Variants in DPH6 observed in about 807,000 individuals in gnomAD.
The protein encoded by DPH6 is diphthamine biosynthesis 6.
DPH6 carries 33 observed loss-of-function variants against 38.2 expected under a neutral mutation model. The observed-to-expected ratio is 0.86, with a 90% CI of 0.65 to 1.15. The LOEUF is 1.15. Among genes scored for constraint, DPH6 ranks in the 50% most tolerant of loss-of-function variants. The probability of loss-of-function intolerance (pLI) is 0.00; values close to 1 mark genes in which losing one functional copy is unlikely to be tolerated. For synonymous variants in DPH6, 108 were observed against 103.0 expected, an observed-to-expected ratio of 1.05 and a Z score of -0.30; for missense variants, 325 against 320.0, an observed-to-expected ratio of 1.02 and a Z score of -0.12.
chr15:35,149,688 A>G, the DPH6 span, among the ~76,000 whole-genome samples: 1 of 152,206 alleles, frequency 6.6e-6, no homozygotes, highest in Non-Finnish European at 1.5e-5. Flanking sequence ...AAGCCAATGT[A>G]CACTTTTCTA....
At chr15:35,502,773 C>A (rs2054644091) in intron 3 of DPH6, among the ~76,000 whole-genome samples, 1 of 151,314 alleles carries the variant, frequency 6.6e-6, no homozygotes, top group Non-Finnish European at 1.5e-5. Flanking sequence ...GTTAAGATCT[C>A]ACTTTGTTTT....
intron 5 of DPH6, among the ~76,000 whole-genome samples, chr15:35,436,357 T>A (rs1447385898): frequency 6.6e-6 from 1 of 151,380 alleles, no homozygotes; most frequent in African/African-American, 2.4e-5. Context: ...TCCCAGCTAC[T>A]CGGGAGGCTG....
chr15:35,533,157 C>T (rs567404883), intron 3 of DPH6, among the ~76,000 whole-genome samples: 30 of 151,778 alleles, frequency 2.0e-4, no homozygotes, highest in East Asian at 7.8e-4. Context: ...GAAACCCACA[C>T]ATTTTTAGAA....
chr15:35,237,949 A>C, intron 3 of DPH6: 4 of 1,412,540 alleles, frequency 2.8e-6, no homozygotes, highest in Non-Finnish European at 4.0e-6. Flanking sequence ...AGGATGAAAA[A>C]GGTTATAACG....
At chr15:35,386,460 A>C (rs1487606138) in intron 6 of DPH6, among the ~76,000 whole-genome samples, 1 of 152,216 alleles carries the variant, frequency 6.6e-6, no homozygotes, top group Non-Finnish European at 1.5e-5. Flanking sequence ...TTACAGTCCC[A>C]ACAGTTTAAA....
intron 7 of DPH6, among the ~76,000 whole-genome samples, chr15:35,374,959 T>G (rs1486590593): frequency 6.6e-6 from 1 of 152,120 alleles, no homozygotes; most frequent in Non-Finnish European, 1.5e-5. Flanking sequence ...TCTTGGCTCT[T>G]TAATCAAACC....
chr15:35,545,945 G>C (rs1475380892), intron 1 of DPH6, among the ~76,000 whole-genome samples, 174 bp downstream of exon 1: 4 of 149,342 alleles, frequency 2.7e-5, no homozygotes, highest in Non-Finnish European at 6.1e-5. Context: ...CAGGGGCCGA[G>C]GCACATGCGG....
intron 3 of DPH6, among the ~76,000 whole-genome samples, chr15:35,287,950 C>A (rs919203063): frequency 1.3e-5 from 2 of 152,180 alleles, no homozygotes; most frequent in African/African-American, 4.8e-5. Flanking sequence ...ATATCAAAGA[C>A]AGTGGCATCA....
chr15:35,218,792 T>C (rs2051425171), exon 4 of DPH6: 1 of 152,044 alleles, frequency 6.6e-6, no homozygotes, highest in Non-Finnish European at 1.5e-5. Context: ...AATGAGAACG[T>C]CTGGTGTTTA....
At chr15:35,180,936 A>C in the DPH6 span, among the ~76,000 whole-genome samples, 1 of 152,246 alleles carries the variant, frequency 6.6e-6, no homozygotes, top group Non-Finnish European at 1.5e-5. Context: ...TTCCATTAAA[A>C]AAGGCAATAT....
At chr15:35,430,065 TA>T (rs1487933733) in intron 5 of DPH6, among the ~76,000 whole-genome samples, 1 of 152,086 alleles carries the variant, frequency 6.6e-6, no homozygotes, top group Non-Finnish European at 1.5e-5. Flanking sequence ...AGGCTGAATT[TA>T]AAAAGAAATC....
intron 3 of DPH6, among the ~76,000 whole-genome samples, chr15:35,308,703 T>C (rs1191467466): frequency 6.6e-6 from 1 of 152,208 alleles, no homozygotes; most frequent in Non-Finnish European, 1.5e-5. Context: ...AGGAGACATA[T>C]GTAAAAATGA....
At chr15:35,398,934 T>C (rs1050944514) in intron 6 of DPH6, among the ~76,000 whole-genome samples, 1 of 152,144 alleles carries the variant, frequency 6.6e-6, no homozygotes, top group Non-Finnish European at 1.5e-5. Context: ...TGTTTAGTGG[T>C]GTGCAAGCAT....
Position 35,362,803 on chromosome 15 carries a change from G to A in DPH6, n.207+10718C>T, listed in dbSNP as rs532260850. ...CAGATGGCTTTTCTTACCCAATGTGGTTGTTTTTGACTCTGAGCTTGTCTG... is the reference window on the plus strand; with the variant it reads ...CAGATGGCTTTTCTTACCCAATGTGATTGTTTTTGACTCTGAGCTTGTCTG... On this transcript the variant is annotated intron_variant and non_coding_transcript_variant, in intron 3 of 3. Coordinates refer to the DPH6 transcript ENST00000558973. Among the ~76,000 whole-genome samples the A allele has an allele frequency of 4.6e-5, 7 of 152,242 alleles. No individual in the cohort carries two copies. In the East Asian group the frequency reaches 1.4e-3, roughly 29 times the overall value.
chr15:35,465,875 A>C (rs2054120112), intron 3 of DPH6, among the ~76,000 whole-genome samples: 1 of 152,250 alleles, frequency 6.6e-6, no homozygotes, highest in African/African-American at 2.4e-5. Flanking sequence ...ATAATTTGTC[A>C]GTTATATCCA....
At chr15:35,276,536 A>G (rs975714025) in intron 3 of DPH6, among the ~76,000 whole-genome samples, 1 of 152,124 alleles carries the variant, frequency 6.6e-6, no homozygotes, top group Non-Finnish European at 1.5e-5. Flanking sequence ...GGTTTTTCTG[A>G]TATTGTCTTC....
chr15:35,234,027 C>A (rs965245479), intron 3 of DPH6, among the ~76,000 whole-genome samples: 2 of 152,122 alleles, frequency 1.3e-5, no homozygotes, highest in African/African-American at 4.8e-5. Flanking sequence ...TGGCCCCCAA[C>A]CCCCCACAGG....
At chr15:35,451,089 C>T (rs1349659661) in intron 4 of DPH6, among the ~76,000 whole-genome samples, 1 of 151,874 alleles carries the variant, frequency 6.6e-6, no homozygotes, top group Non-Finnish European at 1.5e-5. Context: ...TTACAAATGC[C>T]AGTATACTCT....
At chr15:35,515,551 C>T (rs184259732) in intron 3 of DPH6, among the ~76,000 whole-genome samples, 5 of 151,946 alleles carry the variant, frequency 3.3e-5, no homozygotes, top group Admixed American at 3.3e-4. Context: ...GAAACCCCGT[C>T]TCTACTAAAA....
Sources: allele counts gnomAD v4.1 joint callset (sites outside exome capture counted in the v4.1 genomes callset), GRCh38; gene constraint gnomAD v4.1.1; transcripts MANE v1.5; gene names NCBI Gene and HGNC (gene_info 2026-07-23, HGNC 2026-07-21).